Variants in TMEM196 observed in about 807,000 individuals in gnomAD.
TMEM196 encodes transmembrane protein 196.
TMEM196 carries 17 observed loss-of-function variants against 20.0 expected under a neutral mutation model. The ratio of observed to expected loss-of-function variants is 0.85; its 90% CI spans 0.58 to 1.27. The LOEUF (loss-of-function observed/expected upper bound fraction) is 1.27. TMEM196 is among the 50% of genes most tolerant of loss of function. The pLI is 0.00. For synonymous variants in TMEM196, 113 were observed against 88.9 expected (o/e 1.27, Z -1.52); for missense variants, 267 against 223.0 (o/e 1.20, Z -1.26).
At chr7:19,736,880 A>G (rs1272674379) in intron 1 of TMEM196, among the ~76,000 whole-genome samples, 2 of 151,964 alleles carry the variant, frequency 1.3e-5, no homozygotes, top group Non-Finnish European at 2.9e-5. Context: ...GCCTTTCATC[A>G]TTGCTAATAC....
chr7:19,737,158 C>T (rs1361073517), intron 1 of TMEM196, among the ~76,000 whole-genome samples: 2 of 151,846 alleles, frequency 1.3e-5, no homozygotes, highest in African/African-American at 4.8e-5. Context: ...GGTGAAAGAT[C>T]TGAACAGACA....
chr7:19,754,897 G>A (rs184400740), intron 1 of TMEM196, among the ~76,000 whole-genome samples: 6 of 151,924 alleles, frequency 3.9e-5, no homozygotes, highest in East Asian at 1.9e-4. Flanking sequence ...GCATTTCTTC[G>A]GTGTCTACCA....
intron 1 of TMEM196, among the ~76,000 whole-genome samples, chr7:19,766,959 A>T (rs1785656433): frequency 6.6e-6 from 1 of 152,138 alleles, no homozygotes; most frequent in Non-Finnish European, 1.5e-5. Flanking sequence ...TCCAAATTAA[A>T]AGTTTTGAAT....
chr7:19,736,707 C>A (rs1210731510), intron 1 of TMEM196, among the ~76,000 whole-genome samples: 1 of 151,776 alleles, frequency 6.6e-6, no homozygotes, highest in Non-Finnish European at 1.5e-5. Context: ...CTTAACTACT[C>A]TCACTGAGAT....
chr7:19,729,348 C>T, intron 2 of TMEM196, 34 bp downstream of exon 2: 1 of 1,543,130 alleles, frequency 6.5e-7, no homozygotes, highest in Non-Finnish European at 8.8e-7. Context: ...TTTCATACAC[C>T]TCAATGCACA....
chr7:19,733,026 T>C (rs1053878763), intron 1 of TMEM196, among the ~76,000 whole-genome samples: 1 of 152,144 alleles, frequency 6.6e-6, no homozygotes, highest in Non-Finnish European at 1.5e-5. Context: ...AGATGGGATG[T>C]TTAAATCCAG....
At chr7:19,751,251 G>T (rs935269855) in intron 1 of TMEM196, among the ~76,000 whole-genome samples, 1 of 152,208 alleles carries the variant, frequency 6.6e-6, no homozygotes, top group Non-Finnish European at 1.5e-5. Flanking sequence ...GGCTTTTCAC[G>T]TTGAGCTGCT....
chr7:19,725,698 G>C lies in TMEM196; in HGVS notation c.275C>G (p.Ala92Gly). The stretch of plus-strand genomic sequence containing the variant: ...TAGGGAGGAAGTTTTCTTTGTGACT[G>C]CCCGGAGGAACTGAAAATTCAGGAT... ...GGILNFQFLRAVTKKTSSLYP... is the reference protein window; with the variant it reads ...GGILNFQFLRGVTKKTSSLYP... The change falls in exon 3 of 5, where the codon GCA (alanine) becomes GGA (glycine). Residue 92 changes from alanine to glycine, a missense_variant. Ala to Gly is a moderately conservative substitution (Grantham distance 60). Transcript: ENST00000405844. 6.2e-7 allele frequency: 1 copy of C among 1,613,510 alleles called. No homozygotes were observed. The highest frequency in any genetic ancestry group is 8.5e-7 in the Non-Finnish European group (1 of 1,179,466).
At chr7:19,726,868 A>G (rs1173854531) in intron 2 of TMEM196, among the ~76,000 whole-genome samples, 2 of 152,198 alleles carry the variant, frequency 1.3e-5, no homozygotes, top group Non-Finnish European at 2.9e-5. Flanking sequence ...TCGGGAACAC[A>G]GACTTATTCC....
intron 2 of TMEM196, among the ~76,000 whole-genome samples, chr7:19,728,169 T>G (rs922180948): frequency 6.6e-6 from 1 of 152,110 alleles, no homozygotes; most frequent in African/African-American, 2.4e-5. Flanking sequence ...TCCTTTTTTA[T>G]TTTTTCCTTC....
chr7:19,740,934 C>T (rs1784563707), intron 1 of TMEM196, among the ~76,000 whole-genome samples: 1 of 152,080 alleles, frequency 6.6e-6, no homozygotes, highest in Non-Finnish European at 1.5e-5. Flanking sequence ...GAAGGATAAA[C>T]CACTACATGT....
At chr7:19,757,751 T>C (rs566931726) in intron 1 of TMEM196, among the ~76,000 whole-genome samples, 1 of 152,270 alleles carries the variant, frequency 6.6e-6, no homozygotes, top group East Asian at 1.9e-4. Flanking sequence ...GATTGGTATA[T>C]AAAATTAATT....
intron 1 of TMEM196, among the ~76,000 whole-genome samples, chr7:19,756,025 G>T (rs1331627828): frequency 3.2e-5 from 4 of 126,508 alleles, no homozygotes; most frequent in African/African-American, 7.0e-5. Context: ...AGCAGAGTGA[G>T]ACTCTATTTA....
At chr7:19,765,367 A>G (rs185871905) in intron 1 of TMEM196, among the ~76,000 whole-genome samples, 57 of 152,272 alleles carry the variant, frequency 3.7e-4, no homozygotes, top group African/African-American at 1.2e-3. Context: ...TAAATCATGG[A>G]CACCAGTTAA....
chr7:19,724,111 G>A (rs1048275083), intron 4 of TMEM196, among the ~76,000 whole-genome samples, 169 bp downstream of exon 4: 10 of 152,130 alleles, frequency 6.6e-5, no homozygotes, highest in Admixed American at 6.6e-4. Flanking sequence ...ACTCGGCCAT[G>A]TAGGTTTATG....
chr7:19,736,371 AT>A (rs1784405395), intron 1 of TMEM196, among the ~76,000 whole-genome samples: 2 of 42,420 alleles, frequency 4.7e-5, no homozygotes, highest in South Asian at 1.8e-3. Flanking sequence ...ATATATATAT[AT>A]ATATATATAT....
chr7:19,769,986 A>G (rs956118381), intron 1 of TMEM196, among the ~76,000 whole-genome samples: 3 of 152,162 alleles, frequency 2.0e-5, no homozygotes, highest in African/African-American at 7.2e-5. Context: ...TAGATAAGGA[A>G]ACTTGGGCTA....
At chr7:19,770,045 A>T (rs539638773) in intron 1 of TMEM196, among the ~76,000 whole-genome samples, 3 of 152,164 alleles carry the variant, frequency 2.0e-5, no homozygotes, top group South Asian at 4.1e-4. Flanking sequence ...ACCAGGTAGT[A>T]TGGCTTCAGA....
intron 2 of TMEM196, 120 bp from the exon 3 acceptor site, chr7:19,725,888 T>A (rs1338372457): frequency 1.6e-6 from 2 of 1,259,606 alleles, no homozygotes; most frequent in African/African-American, 3.0e-5. Flanking sequence ...ATAAGCGGTT[T>A]TGGTGCTTCA....
Sources: allele counts gnomAD v4.1 joint callset (sites outside exome capture counted in the v4.1 genomes callset), GRCh38; gene constraint gnomAD v4.1.1; transcripts MANE v1.5; gene names NCBI Gene and HGNC (gene_info 2026-07-23, HGNC 2026-07-21).